ZFAT: variants seen among roughly 807,000 people sequenced by gnomAD.
ZFAT encodes the protein zinc finger protein ZFAT.
ZFAT carries 64 observed loss-of-function variants against 117.7 expected under a neutral mutation model. That is an observed-to-expected ratio of 0.54 (90% CI 0.44 to 0.67). The LOEUF (loss-of-function observed/expected upper bound fraction) is 0.67, where lower values mean the gene tolerates loss of function less well. Ranked by LOEUF, ZFAT falls within the 30% of genes least tolerant of loss-of-function variation. The pLI, the probability that ZFAT is intolerant of heterozygous loss-of-function variation, is 0.00. For synonymous variants in ZFAT, 679 were observed against 615.0 expected (o/e 1.10, Z -1.54); for missense variants, 1,433 against 1,584.5 (o/e 0.90, Z 1.62).
At chr8:134,596,710 G>A (rs1222751491) in intron 7 of ZFAT, among the ~76,000 whole-genome samples, 1 of 152,120 alleles carries the variant, frequency 6.6e-6, no homozygotes, top group African/African-American at 2.4e-5. Flanking sequence ...TTATTCAGCT[G>A]TAAAAAGGAA....
At chr8:134,685,295 A>G (rs1450439136) in intron 1 of ZFAT, among the ~76,000 whole-genome samples, 1 of 151,992 alleles carries the variant, frequency 6.6e-6, no homozygotes, top group African/African-American at 2.4e-5. Flanking sequence ...CGACCACCAC[A>G]TCTGCCCACC....
the ZFAT span, among the ~76,000 whole-genome samples, chr8:134,817,610 A>C: frequency 2.0e-5 from 3 of 152,230 alleles, no homozygotes; most frequent in African/African-American, 7.2e-5. Flanking sequence ...AATAATTTTA[A>C]AATGTCAATT....
intron 1 of ZFAT, among the ~76,000 whole-genome samples, chr8:134,705,695 A>G (rs1489242483): frequency 6.9e-6 from 1 of 145,504 alleles, no homozygotes; most frequent in Admixed American, 6.9e-5. Context: ...AGCCTGGCTA[A>G]TTTTTTTTTT....
chr8:134,734,572 G>A, the ZFAT span, among the ~76,000 whole-genome samples: 37 of 152,342 alleles, frequency 2.4e-4, no homozygotes, highest in African/African-American at 8.4e-4. Flanking sequence ...GCACAGTGTG[G>A]TGGGTGCAGT....
Position 134,602,645 on chromosome 8 carries a change from G to T in ZFAT, c.1074C>A (p.Phe358Leu). The T allele has an allele frequency of 6.2e-7, 1 of 1,614,222 alleles. No homozygotes were observed. Among genetic ancestry groups the T allele is most frequent in the Middle Eastern group, 1.6e-4 (1 of 6,062 alleles). The change falls in exon 6 of 16, where the codon TTC becomes TTA. Residue 358 changes from phenylalanine (F) to leucine (L), a missense_variant. By Grantham distance (22) the Phe-to-Leu change is conservative. Around this residue, in one of 5 missense-constraint regions of ZFAT, gnomAD observed 436 missense variants for 482.0 expected, o/e 0.90. Transcript: ENST00000377838. Reference sequence around the variant, plus strand: ...TGACGTCAGAGTACTTCTTCTTGCAGAAGCGGCAGTGCTGCTTGATCTTCT... The same window carrying T: ...TGACGTCAGAGTACTTCTTCTTGCATAAGCGGCAGTGCTGCTTGATCTTCT... ...VHKKIKQHCR[F>L]CKKKYSDVKN...
chr8:134,774,526 A>C, the ZFAT span, among the ~76,000 whole-genome samples: 1 of 152,220 alleles, frequency 6.6e-6, no homozygotes, highest in Non-Finnish European at 1.5e-5. Context: ...TGACTTCTGA[A>C]GGCTCAGATG....
chr8:134,656,625 C>G (rs974656173), intron 2 of ZFAT, among the ~76,000 whole-genome samples: 1 of 152,108 alleles, frequency 6.6e-6, no homozygotes, highest in Non-Finnish European at 1.5e-5. Context: ...TAATGGTGTC[C>G]GACAGATGAT....
rs866952316 is a variant in ZFAT, at chr8:134,565,383, C to A, written c.2926G>T (p.Ala976Ser). 6.2e-7 allele frequency: 1 copy of A among 1,613,888 alleles called. No individual in the cohort carries two copies. The highest frequency in any genetic ancestry group is 8.5e-7 in the Non-Finnish European group (1 of 1,179,878). Residue 976 changes from alanine (A) to serine (S), a missense_variant, in exon 11 of 16, where the codon GCC becomes TCC. Around this residue, in one of 5 missense-constraint regions of ZFAT, gnomAD observed 503 missense variants for 543.4 expected, o/e 0.93. Transcript: ENST00000377838. ...TGCCGCAGCAGCTGTGGCTTCTGGGCCGCTGTGTAGTCACACACCGTGCAC... is the reference window on the plus strand; with the variant it reads ...TGCCGCAGCAGCTGTGGCTTCTGGGACGCTGTGTAGTCACACACCGTGCAC... ...FKCTVCDYTA[A>S]QKPQLLRHME...
At chr8:134,737,395 G>A in the ZFAT span, among the ~76,000 whole-genome samples, 4 of 152,238 alleles carry the variant, frequency 2.6e-5, no homozygotes, top group Admixed American at 6.5e-5. Context: ...ATACTGGCAT[G>A]AATAGTAAGA....
chr8:134,674,257 A>G (rs35386715), intron 1 of ZFAT, among the ~76,000 whole-genome samples: 53,207 of 151,972 alleles, frequency 0.35, 9,698 homozygotes, highest in South Asian at 0.43. Flanking sequence ...CGCTTTTCCT[A>G]TGGTCTTCAC....
intron 15 of ZFAT, among the ~76,000 whole-genome samples, chr8:134,507,542 A>G (rs1198304538): frequency 6.6e-6 from 1 of 152,218 alleles, no homozygotes; most frequent in Non-Finnish European, 1.5e-5. Context: ...AAGAAAGAAG[A>G]TCCTCAGAAG....
the ZFAT span, among the ~76,000 whole-genome samples, chr8:134,816,158 C>T: frequency 1.3e-5 from 2 of 152,168 alleles, no homozygotes; most frequent in Non-Finnish European, 1.5e-5. Flanking sequence ...GACAATTCCA[C>T]AGGAGGTGGA....
chr8:134,500,830 A>G (rs1818918738), intron 15 of ZFAT, among the ~76,000 whole-genome samples: 8 of 152,256 alleles, frequency 5.3e-5, no homozygotes, highest in Admixed American at 5.2e-4. Context: ...TCTACATGCT[A>G]AAGATCACCA....
chr8:134,528,378 C>G (rs1386921523), intron 12 of ZFAT, among the ~76,000 whole-genome samples: 3 of 152,140 alleles, frequency 2.0e-5, no homozygotes, highest in Non-Finnish European at 4.4e-5. Flanking sequence ...GTGCCAAGAA[C>G]TTATTGAATC....
chr8:134,831,992 G>A, the ZFAT span, among the ~76,000 whole-genome samples: 1 of 149,440 alleles, frequency 6.7e-6, no homozygotes, highest in East Asian at 2.0e-4. Context: ...CTGGCCCGGG[G>A]TCGGGGGTCG....
rs181970358 is a variant in ZFAT at position 134,478,690 on chromosome 8, G to A, written c.3524C>T (p.Thr1175Met). 1.7e-5 allele frequency: 27 copies of A among 1,577,108 alleles called. No homozygotes were observed. The highest frequency in any genetic ancestry group is 9.3e-5 in the South Asian group (8 of 85,684). Residue 1175 changes from threonine to methionine, a missense_variant, in exon 16 of 16, where the codon ACG becomes ATG. This residue lies in a region of ZFAT where 503 missense variants were observed against 543.4 expected (regional missense o/e 0.93). Coordinates refer to ENST00000377838, the MANE Select transcript of ZFAT (RefSeq NM_020863.4). This position sits in a 1 kb window ranked among gnomAD's most constrained non-coding sequence, Gnocchi z 5.2. Reference sequence around the variant, plus strand: ...CTGGACCGTCTCCTGGATCATGACCGTGTGGTTGGAGCTGGGCTCCTCCTC... The same window carrying A: ...CTGGACCGTCTCCTGGATCATGACCATGTGGTTGGAGCTGGGCTCCTCCTC... The part of the protein sequence containing the change: ...VTEEEPSSNH[T>M]VMIQETVQQA...
chr8:134,547,205 C>T (rs546970461), intron 11 of ZFAT, among the ~76,000 whole-genome samples: 4 of 152,344 alleles, frequency 2.6e-5, no homozygotes, highest in East Asian at 1.9e-4. Context: ...CTAATGTTCA[C>T]GGCCCGGTCT....
chr8:134,646,105 A>G (rs1281704822), intron 2 of ZFAT, among the ~76,000 whole-genome samples: 1 of 152,098 alleles, frequency 6.6e-6, no homozygotes, highest in African/African-American at 2.4e-5. Context: ...GCTACTCAGG[A>G]GGCTGAGGCA....
intron 1 of ZFAT, among the ~76,000 whole-genome samples, chr8:134,660,464 C>T (rs577111313): frequency 6.6e-6 from 1 of 152,316 alleles, no homozygotes; most frequent in South Asian, 2.1e-4. Context: ...ACAGGTGGGC[C>T]CCACCCCAGA....
Sources: allele counts gnomAD v4.1 joint callset (sites outside exome capture counted in the v4.1 genomes callset), GRCh38; gene constraint gnomAD v4.1.1; regional missense constraint gnomAD v4.1.1; non-coding constraint Gnocchi (gnomAD v3.1); transcripts MANE v1.5; gene names NCBI Gene and HGNC (gene_info 2026-07-23, HGNC 2026-07-21).